Variants in VIPR1 observed in about 807,000 individuals in gnomAD.
VIPR1 encodes the protein vasoactive intestinal polypeptide receptor 1.
In VIPR1, 59 loss-of-function variants were observed where a neutral mutation model predicts 58.8. The observed-to-expected ratio is 1.00, with a 90% confidence interval of 0.81 to 1.25. The LOEUF is 1.25. Among genes scored for constraint, VIPR1 ranks in the 50% most tolerant of loss-of-function variants. The pLI is 0.00. For missense variants in VIPR1, 626 were observed against 602.7 expected (o/e 1.04, Z -0.40); for synonymous variants, 251 against 242.1 (o/e 1.04, Z -0.34).
chr3:42,520,132 A>AGATC (rs1559488326), intron 3 of VIPR1, among the ~76,000 whole-genome samples: 1 of 152,216 alleles, frequency 6.6e-6, no homozygotes, highest in Non-Finnish European at 1.5e-5. Context: ...CACCAGGCAA[A>AGATC]GATCCCAGAT....
In VIPR1 at chr3:42,502,733, A is replaced by G; in HGVS notation, c.-3A>G. On this transcript the variant is annotated 5_prime_UTR_variant, in exon 1 of 13. Coordinates refer to ENST00000325123, the MANE Select transcript of VIPR1 (RefSeq NM_004624.4). ...GCCGCCCGCCGCGGGCTCAGGGCAG[A>G]CCATGCGCCCGCCAAGTCCGCTGCC... 1 of 1,321,294 alleles carries G rather than the reference A, an allele frequency of 7.6e-7. No homozygotes were observed. 81.8% of individuals were successfully genotyped at this position (1,321,294 alleles called of 1,614,324 possible).
intron 2 of VIPR1, among the ~76,000 whole-genome samples, chr3:42,515,079 C>G (rs1700557511): frequency 6.6e-6 from 1 of 152,180 alleles, no homozygotes; most frequent in Non-Finnish European, 1.5e-5. Context: ...GGCCTCCATC[C>G]CAGGCCATCT....
intron 3 of VIPR1, among the ~76,000 whole-genome samples, chr3:42,522,683 T>A (rs1248021603): frequency 6.6e-6 from 1 of 152,078 alleles, no homozygotes; most frequent in Non-Finnish European, 1.5e-5. Context: ...CTTCCAGCTG[T>A]CTCAGGGTGG....
At chr3:42,522,024 G>A (rs759240724) in intron 3 of VIPR1, among the ~76,000 whole-genome samples, 31 of 142,324 alleles carry the variant, frequency 2.2e-4, no homozygotes, top group Non-Finnish European at 3.8e-4. Flanking sequence ...GGGATTACAG[G>A]TGCATACTTC....
chr3:42,514,568 C>CACAT (rs1700530336), intron 2 of VIPR1, among the ~76,000 whole-genome samples: 1 of 149,996 alleles, frequency 6.7e-6, no homozygotes, highest in African/African-American at 2.5e-5. Context: ...CACACACACA[C>CACAT]ACACATACAC....
In VIPR1 at chr3:42,502,703, G is replaced by A; in HGVS notation, c.-33G>A. 1 of 1,278,406 alleles carries A rather than the reference G, an allele frequency of 7.8e-7. No homozygotes were observed. Among genetic ancestry groups the A allele is most frequent in the Non-Finnish European group, 9.8e-7 (1 of 1,017,040 alleles). The allele number at this position is 1,278,406 out of a possible 1,614,324, so 79.2% of individuals were successfully genotyped here. On this transcript the variant is annotated 5_prime_UTR_variant, in exon 1 of 13. Transcript: ENST00000325123. ...CGCCGCCCGCCAGCTCTTTGCCCGC[G>A]CGGGGCCGCCCGCCGCGGGCTCAGG... is the stretch of plus-strand genomic sequence containing the variant.
At chr3:42,513,622 T>G in intron 1 of VIPR1, 127 bp from the exon 2 acceptor site, 1 of 960,502 alleles carries the variant, frequency 1.0e-6, no homozygotes, top group Non-Finnish European at 1.5e-6. Context: ...AGTCTTGGGT[T>G]GGTATTGGGG....
upstream of VIPR1, among the ~76,000 whole-genome samples, chr3:42,499,489 T>C (rs1224581040): frequency 6.6e-6 from 1 of 152,142 alleles, no homozygotes; most frequent in African/African-American, 2.4e-5. Context: ...TTGGCACCCA[T>C]GTGATTCTGA....
chr3:42,527,120 C>T (rs1055126267), intron 4 of VIPR1, among the ~76,000 whole-genome samples: 2 of 152,124 alleles, frequency 1.3e-5, no homozygotes, highest in Non-Finnish European at 2.9e-5. Context: ...TCTTCATTCT[C>T]TCCCTCACCA....
chr3:42,514,572 CAT>C (rs1553636985), intron 2 of VIPR1, among the ~76,000 whole-genome samples: 82 of 149,388 alleles, frequency 5.5e-4, no homozygotes, highest in Non-Finnish European at 8.6e-4. Flanking sequence ...CACACACACA[CAT>C]ACACACACGC....
upstream of VIPR1, among the ~76,000 whole-genome samples, chr3:42,501,330 G>A (rs1699864731): frequency 6.6e-6 from 1 of 152,092 alleles, no homozygotes; most frequent in African/African-American, 2.4e-5. This position sits in a 1 kb window ranked among gnomAD's most constrained non-coding sequence, Gnocchi z 4.8. Context: ...GAGCTCCTGC[G>A]CGCCTGCTGT....
At chr3:42,516,190 C>A (rs546922299) in intron 2 of VIPR1, among the ~76,000 whole-genome samples, 6 of 152,330 alleles carry the variant, frequency 3.9e-5, no homozygotes, top group African/African-American at 9.6e-5. Flanking sequence ...GAGGGCACAG[C>A]CCCACCTGTG....
Position 42,531,488 on chromosome 3 carries a change from A to G in VIPR1, c.808A>G (p.Thr270Ala). Residue 270 changes from threonine to alanine, a missense_variant, in exon 8 of 13, where the codon ACC becomes GCC. Coordinates refer to ENST00000325123, the MANE Select transcript of VIPR1 (RefSeq NM_004624.4). ...CCTGACAGGGGTACCCAGCACATTC[A>G]CCATGGTGTGGACCATCGCCAGGAT... ...LIGWGVPSTF[T>A]MVWTIARIHF... 1.3e-6 allele frequency: 2 copies of G among 1,588,862 alleles called. No individual in the cohort carries two copies. Among genetic ancestry groups the G allele is most frequent in the South Asian group, 1.1e-5 (1 of 87,260 alleles).
intron 1 of VIPR1, among the ~76,000 whole-genome samples, chr3:42,491,241 T>C (rs1336409756): frequency 6.6e-6 from 1 of 152,186 alleles, no homozygotes; most frequent in Non-Finnish European, 1.5e-5. Flanking sequence ...TAAAAATAAA[T>C]AAATTATCAA....
At position 42,517,602 on chromosome 3, in the gene VIPR1, C is replaced by T. The variant is rs190184611; in HGVS notation, c.185-1621C>T. Among the ~76,000 whole-genome samples, 9 of 152,334 alleles carry T rather than the reference C, an allele frequency of 5.9e-5. No individual in the cohort carries two copies. The South Asian group carries it at 6.2e-4, about 11-fold the overall frequency. Reference sequence around the variant, plus strand: ...GAATGCAGCCACAATGCAGGGTTTTCGCTGCACTTGTTCCCTAACTATTCC... The same window carrying T: ...GAATGCAGCCACAATGCAGGGTTTTTGCTGCACTTGTTCCCTAACTATTCC... On this transcript the variant is annotated intron_variant, in intron 2 of 12. Transcript: ENST00000325123.
At chr3:42,521,412 A>C (rs1029121845) in intron 3 of VIPR1, 2 of 152,146 alleles carry the variant, frequency 1.3e-5, no homozygotes, top group Non-Finnish European at 2.9e-5. Flanking sequence ...GCGATTAGGG[A>C]CTGAAAACAG....
At chr3:42,497,773 C>T (rs1699794280), upstream of VIPR1, among the ~76,000 whole-genome samples, 1 of 152,158 alleles carries the variant, frequency 6.6e-6, no homozygotes, top group Non-Finnish European at 1.5e-5. Context: ...CTGCACAACC[C>T]CTTTTTGCCT....
Position 42,537,304 on chromosome 3 carries a change from G to A in VIPR1, c.*1023G>A, listed in dbSNP as rs1292535704. 5.9e-5 allele frequency: 9 copies of A among 152,198 alleles called. No homozygotes were observed. Among genetic ancestry groups the A allele is most frequent in the African/African-American group, 1.2e-4 (5 of 41,442 alleles). 9.4% of individuals were successfully genotyped at this position (152,198 alleles called of 1,614,324 possible). ...CTCTTACTGCTAACTTTTGTGTATCGTAACCAGCCAGATCCTCTTGGTTAT... is the reference window on the plus strand; with the variant it reads ...CTCTTACTGCTAACTTTTGTGTATCATAACCAGCCAGATCCTCTTGGTTAT... On this transcript the variant is annotated 3_prime_UTR_variant, in exon 13 of 13. Transcript: ENST00000325123.
chr3:42,534,892 C>T, intron 10 of VIPR1, 83 bp from the exon 11 acceptor site: 1 of 1,547,850 alleles, frequency 6.5e-7, no homozygotes, highest in African/African-American at 1.4e-5. Context: ...TCTTCTGTGC[C>T]TCCAGCTGCC....
Sources: gnomAD v4.1 joint callset for allele counts (sites outside exome capture counted in the v4.1 genomes callset) on GRCh38, gnomAD v4.1.1 for gene constraint, Gnocchi (gnomAD v3.1) non-coding constraint, MANE v1.5 for transcripts, NCBI Gene and HGNC (gene_info 2026-07-23, HGNC 2026-07-21) for gene names.